FBLN5: variants seen among roughly 807,000 people sequenced by gnomAD.
FBLN5 encodes fibulin-5.
FBLN5 carries 24 observed loss-of-function variants against 61.6 expected under a neutral mutation model. That is an observed-to-expected ratio of 0.39 (90% confidence interval 0.28 to 0.55). The LOEUF (loss-of-function observed/expected upper bound fraction) is 0.55. Ranked by LOEUF, FBLN5 falls within the 20% of genes least tolerant of loss-of-function variation. The pLI is 0.65. For missense variants in FBLN5, 470 were observed against 594.1 expected (o/e 0.79, Z 2.17); for synonymous variants, 213 against 219.8 (o/e 0.97, Z 0.27).
intron 4 of FBLN5, among the ~76,000 whole-genome samples, chr14:91,901,495 T>C (rs1409027038): frequency 6.6e-6 from 1 of 152,152 alleles, no homozygotes; most frequent in East Asian, 1.9e-4. Flanking sequence ...CTCAAGCTAA[T>C]GGGGCTTGAT....
intron 1 of FBLN5, among the ~76,000 whole-genome samples, chr14:91,944,048 A>G (rs55895055): frequency 0.45 from 68,389 of 151,810 alleles, 15,613 homozygotes; most frequent in Middle Eastern, 0.51. Flanking sequence ...ATACAAAAGC[A>G]GCCGGGTGTG....
chr14:91,877,474 C>A lies in FBLN5; in HGVS notation c.1185+13G>T. The A allele has an allele frequency of 6.2e-7, 1 of 1,608,358 alleles. No individual in the cohort carries two copies. Among genetic ancestry groups the A allele is most frequent in the African/African-American group, 1.3e-5 (1 of 74,932 alleles). ...TGTTACAGATGGCGTCCCCACTCCC[C>A]ACTCCCTCTTACCCGCATGTAAAAT... On this transcript the variant is annotated intron_variant, in intron 10 of 10. Coordinates refer to ENST00000342058, the MANE Select transcript of FBLN5 (RefSeq NM_006329.4).
chr14:91,912,924 A>C (rs1377983068), intron 4 of FBLN5, among the ~76,000 whole-genome samples: 1 of 152,210 alleles, frequency 6.6e-6, no homozygotes, highest in Non-Finnish European at 1.5e-5. Context: ...ACTCATCAAA[A>C]TAAGAGCTGT....
At chr14:91,891,083 T>C (rs2139975577) in intron 6 of FBLN5, 138 bp downstream of exon 6, 1 of 722,412 alleles carries the variant, frequency 1.4e-6, no homozygotes, top group South Asian at 1.5e-5. Context: ...TCTGTAGTAA[T>C]GGGGATGGGC....
intron 7 of FBLN5, among the ~76,000 whole-genome samples, chr14:91,883,434 T>C (rs1159274738): frequency 6.6e-6 from 1 of 151,928 alleles, no homozygotes; most frequent in African/African-American, 2.4e-5. Flanking sequence ...CCTAAGGGGC[T>C]GAGATTTCTT....
chr14:91,932,433 C>G (rs942842178), intron 4 of FBLN5, among the ~76,000 whole-genome samples: 6 of 152,142 alleles, frequency 3.9e-5, no homozygotes, highest in South Asian at 2.1e-4. Flanking sequence ...GTGCTGAGCC[C>G]GGCCCCGCCC....
intron 7 of FBLN5, 106 bp downstream of exon 7, chr14:91,887,083 GACAT>G: frequency 8.1e-7 from 1 of 1,233,740 alleles, no homozygotes. Context: ...TCCCAAACTG[GACAT>G]GTGTCCAGGA....
chr14:91,894,826 T>TCC, intron 5 of FBLN5, 124 bp downstream of exon 5: 21 of 159,354 alleles, frequency 1.3e-4, no homozygotes, highest in South Asian at 2.1e-4. Flanking sequence ...CTTCCACCCC[T>TCC]CCCGCCCTCC....
intron 4 of FBLN5, among the ~76,000 whole-genome samples, chr14:91,929,436 C>G (rs762292816): frequency 1.3e-5 from 2 of 152,070 alleles, no homozygotes; most frequent in Non-Finnish European, 2.9e-5. Flanking sequence ...AGATTACGAC[C>G]CTTAGTATAA....
At chr14:91,932,712 G>T (rs1448861351) in intron 4 of FBLN5, among the ~76,000 whole-genome samples, 1 of 152,190 alleles carries the variant, frequency 6.6e-6, no homozygotes, top group Non-Finnish European at 1.5e-5. Context: ...AAATATAGGG[G>T]ACGAAGGAAT....
chr14:91,887,180 G>A lies in FBLN5; in HGVS notation c.739+13C>T, dbSNP rs767092548. ...AAGTACAGGTGGAAGTTTCCAATGC[G>A]AAAGCCCATTACCACTGCAATGAAC... On this transcript the variant is annotated intron_variant, in intron 7 of 10. Coordinates refer to ENST00000342058, the MANE Select transcript of FBLN5 (RefSeq NM_006329.4). 15 of 1,613,574 alleles carry A rather than the reference G, an allele frequency of 9.3e-6. No homozygotes were observed. Among genetic ancestry groups the A allele is most frequent in the Middle Eastern group, 1.6e-4 (1 of 6,084 alleles).
intron 4 of FBLN5, among the ~76,000 whole-genome samples, chr14:91,895,712 C>T (rs776089663): frequency 9.9e-5 from 14 of 141,690 alleles, no homozygotes; most frequent in South Asian, 2.3e-4. Context: ...CTGGGAGGAT[C>T]GTTTGAGCCC....
At chr14:91,919,022 T>A (rs908539972) in intron 4 of FBLN5, among the ~76,000 whole-genome samples, 2 of 151,852 alleles carry the variant, frequency 1.3e-5, no homozygotes, top group Non-Finnish European at 2.9e-5. Context: ...CAGATTAAGG[T>A]CATTAAGGAT....
intron 9 of FBLN5, among the ~76,000 whole-genome samples, chr14:91,878,500 T>C (rs986581418): frequency 2.0e-5 from 3 of 152,194 alleles, no homozygotes; most frequent in African/African-American, 7.2e-5. Flanking sequence ...AGGATGAAGA[T>C]GTCTGTTGAG....
At chr14:91,946,722 T>C (rs773298776) in intron 1 of FBLN5, 64 of 1,535,722 alleles carry the variant, frequency 4.2e-5, no homozygotes, top group Non-Finnish European at 5.6e-5. Context: ...TGTATCTCTG[T>C]CTGCAGTTCC....
chr14:91,940,429 A>T (rs1178735393), intron 3 of FBLN5, 136 bp downstream of exon 3: 1 of 778,132 alleles, frequency 1.3e-6, no homozygotes. Context: ...AAAGGGCACC[A>T]CTGACTTCAG....
At chr14:91,946,606 G>C in intron 1 of FBLN5, 1 of 886,422 alleles carries the variant, frequency 1.1e-6, no homozygotes, top group South Asian at 1.5e-5. Context: ...TCAAGAGCTC[G>C]CTGAATAAAG....
At chr14:91,930,853 G>A (rs1053887025) in intron 4 of FBLN5, among the ~76,000 whole-genome samples, 3 of 152,176 alleles carry the variant, frequency 2.0e-5, no homozygotes, top group South Asian at 2.1e-4. Context: ...GGGGAAAGCC[G>A]TTCGAGGCCT....
At chr14:91,901,052 T>C (rs1236091730) in intron 4 of FBLN5, among the ~76,000 whole-genome samples, 1 of 152,194 alleles carries the variant, frequency 6.6e-6, no homozygotes. Context: ...CATTCCTTCA[T>C]GGAGTCTCCA....
Sources: allele counts gnomAD v4.1 joint callset (sites outside exome capture counted in the v4.1 genomes callset), GRCh38; gene constraint gnomAD v4.1.1; transcripts MANE v1.5; gene names NCBI Gene and HGNC (gene_info 2026-07-23, HGNC 2026-07-21).